The following CUBN variants were observed in gnomAD, a reference collection of about 807,000 sequenced individuals.
CUBN encodes the protein cubilin, also known as 460 kDa receptor.
A neutral mutation model predicts 405.3 loss-of-function variants in CUBN; 282 were observed. That is an observed-to-expected ratio of 0.70 (90% CI 0.63 to 0.77). The LOEUF (loss-of-function observed/expected upper bound fraction) is 0.77, where lower values mean the gene tolerates loss of function less well. Ranked by LOEUF, CUBN falls within the 30% of genes least tolerant of loss-of-function variation. The pLI is 0.00. For missense variants in CUBN, 4,514 were observed against 4,475.2 expected (o/e 1.01, Z -0.25); for synonymous variants, 1,684 against 1,617.0 (o/e 1.04, Z -0.99).
At chr10:16,997,400 A>T (rs1384142775) in intron 28 of CUBN, among the ~76,000 whole-genome samples, 1 of 147,406 alleles carries the variant, frequency 6.8e-6, no homozygotes, top group Non-Finnish European at 1.5e-5. Context: ...ACACCACTGC[A>T]CTCCAGCCTG....
intron 8 of CUBN, among the ~76,000 whole-genome samples, chr10:17,113,476 T>C (rs890571104): frequency 5.3e-5 from 8 of 152,082 alleles, no homozygotes; most frequent in African/African-American, 1.9e-4. Context: ...AAACAAAAGA[T>C]GCCCTCGGAT....
intron 65 of CUBN, among the ~76,000 whole-genome samples, chr10:16,830,421 T>C (rs953795338): frequency 1.3e-5 from 2 of 152,224 alleles, no homozygotes; most frequent in African/African-American, 4.8e-5. Flanking sequence ...TTTATAAAGG[T>C]ATTCCTCCTC....
At position 16,869,705 on chromosome 10, in the gene CUBN, G is replaced by A. The variant is rs762293500; in HGVS notation, c.9385C>T (p.Leu3129Phe). ...PNVKSSNNSM[L>F]LVFKTDSFQT... ...AATGAATCTGTCTTGAACACCAGGAGCATACTATTATTGCTGCTCTTCACA... is the reference window on the plus strand; with the variant it reads ...AATGAATCTGTCTTGAACACCAGGAACATACTATTATTGCTGCTCTTCACA... Residue 3129 changes from leucine to phenylalanine, a missense_variant, in exon 59 of 67, where the codon CTC becomes TTC. By Grantham distance (22) the Leu-to-Phe change is conservative (BLOSUM62 0). Transcript: ENST00000377833. 10 of 1,613,960 alleles carry A rather than the reference G, an allele frequency of 6.2e-6. No individual in the cohort carries two copies. Among genetic ancestry groups the A allele is most frequent in the African/African-American group, 5.3e-5 (4 of 74,878 alleles).
intron 57 of CUBN, among the ~76,000 whole-genome samples, chr10:16,875,424 A>G (rs12257975): frequency 1.3e-5 from 2 of 152,180 alleles, no homozygotes; most frequent in African/African-American, 4.8e-5. Context: ...CATGGTTTAT[A>G]CACTATCAGT....
At chr10:16,892,529 T>G (rs1007528074) in intron 54 of CUBN, among the ~76,000 whole-genome samples, 11 of 152,122 alleles carry the variant, frequency 7.2e-5, no homozygotes, top group Non-Finnish European at 1.6e-4. Context: ...AGTCTCACTC[T>G]CACTCAGGCT....
At chr10:17,038,880 G>A (rs1039788258) in intron 27 of CUBN, among the ~76,000 whole-genome samples, 2 of 152,186 alleles carry the variant, frequency 1.3e-5, no homozygotes, top group Non-Finnish European at 2.9e-5. Flanking sequence ...CTCTTTCACC[G>A]TCAATGTTGC....
At chr10:16,963,211 T>TTTTTC (rs1843288340) in intron 31 of CUBN, among the ~76,000 whole-genome samples, 1 of 132,810 alleles carries the variant, frequency 7.5e-6, no homozygotes, top group African/African-American at 2.7e-5. Flanking sequence ...TTTTTTTTTT[T>TTTTTC]TGAGACAGAG....
intron 27 of CUBN, among the ~76,000 whole-genome samples, chr10:17,037,041 A>G (rs1311436063): frequency 6.6e-6 from 1 of 152,182 alleles, no homozygotes; most frequent in East Asian, 1.9e-4. Context: ...GAATGGGGAT[A>G]ATATTTCTTA....
At chr10:17,110,818 C>G in intron 9 of CUBN, 101 bp downstream of exon 9, 1 of 1,562,602 alleles carries the variant, frequency 6.4e-7, no homozygotes. Context: ...CAACTGCACT[C>G]AGCCAGAAAT....
At chr10:17,053,574 G>A (rs1004014598) in intron 22 of CUBN, among the ~76,000 whole-genome samples, 2 of 152,028 alleles carry the variant, frequency 1.3e-5, no homozygotes, top group East Asian at 1.9e-4. Context: ...CAAAATACAC[G>A]AAGGAAAGTG....
chr10:17,071,379 T>C (rs1835734936), intron 19 of CUBN, 47 bp downstream of exon 19: 1 of 1,578,778 alleles, frequency 6.3e-7, no homozygotes, highest in South Asian at 1.1e-5. Flanking sequence ...ATAATATTTT[T>C]TATAATATAC....
Position 16,901,329 on chromosome 10 carries a change from A to G in CUBN, c.8184+9T>C. The G allele has an allele frequency of 1.2e-6, 2 of 1,614,138 alleles. No individual in the cohort carries two copies. Among genetic ancestry groups the G allele is most frequent in the Admixed American group, 1.7e-5 (1 of 60,018 alleles). On this transcript the variant is annotated intron_variant, in intron 52 of 66. Coordinates refer to ENST00000377833, the MANE Select transcript of CUBN (RefSeq NM_001081.4). The stretch of plus-strand genomic sequence containing the variant: ...CTCAGAAGCATTTCACCCAGTCATT[A>G]GCACTCACAGTGATGGTGTGCCCTT...
intron 59 of CUBN, among the ~76,000 whole-genome samples, chr10:16,861,479 C>G (rs905846651): frequency 6.6e-6 from 1 of 152,096 alleles, no homozygotes; most frequent in African/African-American, 2.4e-5. Flanking sequence ...GCCTTCTTAT[C>G]CTTCCAAAAT....
intron 22 of CUBN, among the ~76,000 whole-genome samples, chr10:17,051,863 A>G (rs1431616055): frequency 2.0e-5 from 3 of 152,134 alleles, no homozygotes; most frequent in Non-Finnish European, 4.4e-5. Flanking sequence ...GAAGGTAATA[A>G]AAATGGGCCA....
Position 16,890,491 on chromosome 10 carries a change from G to T in CUBN, c.8635C>A (p.Leu2879Ile), listed in dbSNP as rs1801238. Reference protein sequence around the residue: ...AGTEEVDKALLATGCGNVAPG... With the variant: ...AGTEEVDKALIATGCGNVAPG... ...GCCACGTTCCCACAGCCAGTGGCTA[G>T]CAGGGCTTTGTCCACCTCCTCAGTT... Residue 2879 changes from leucine (L) to isoleucine (I), a missense_variant, in exon 55 of 67, where the codon CTA becomes ATA. Around this residue, in one of 5 missense-constraint regions of CUBN, gnomAD observed 1,186 missense variants for 1,186.9 expected, o/e 1.00. Transcript: ENST00000377833. The T allele has an allele frequency of 0.032, 51,249 of 1,614,108 alleles. 951 individuals are homozygous for T. Among genetic ancestry groups the T allele is most frequent in the Non-Finnish European group, 0.036 (42,080 of 1,179,976 alleles).
chr10:17,088,078 T>G (rs1836163863), intron 15 of CUBN, 86 bp downstream of exon 15: 2 of 953,814 alleles, frequency 2.1e-6, no homozygotes, highest in South Asian at 2.7e-5. Context: ...GCTAATATTT[T>G]GGGGTCATCC....
intron 22 of CUBN, among the ~76,000 whole-genome samples, chr10:17,051,741 TTAATC>T (rs1466105430): frequency 2.0e-5 from 3 of 151,734 alleles, no homozygotes; most frequent in East Asian, 1.9e-4. Context: ...TAGACATAAT[TTAATC>T]TAAAGAACAA....
intron 45 of CUBN, among the ~76,000 whole-genome samples, chr10:16,917,455 G>A (rs1209837401): frequency 1.3e-5 from 2 of 151,956 alleles, no homozygotes; most frequent in African/African-American, 2.4e-5. Context: ...TAAAATAGAA[G>A]AATCATAATA....
intron 8 of CUBN, among the ~76,000 whole-genome samples, chr10:17,111,944 A>G (rs1279344828): frequency 6.6e-6 from 1 of 152,180 alleles, no homozygotes; most frequent in Non-Finnish European, 1.5e-5. Flanking sequence ...TTAAAATCAT[A>G]TGGAGGATTG....
Sources: allele counts gnomAD v4.1 joint callset (sites outside exome capture counted in the v4.1 genomes callset), GRCh38; gene constraint gnomAD v4.1.1; regional missense constraint gnomAD v4.1.1; transcripts MANE v1.5; gene names NCBI Gene and HGNC (gene_info 2026-07-23, HGNC 2026-07-21).